HDAC11: variants seen among roughly 807,000 people sequenced by gnomAD.
The protein encoded by HDAC11 is histone deacetylase 11.
A neutral mutation model predicts 41.1 loss-of-function variants in HDAC11; 23 were observed. The ratio of observed to expected loss-of-function variants is 0.56; its 90% CI spans 0.40 to 0.79. HDAC11 has a LOEUF of 0.79. HDAC11 is among the 30% of genes least tolerant of loss of function. The pLI, the probability that HDAC11 is intolerant of heterozygous loss-of-function variation, is 0.00. For missense variants in HDAC11, 402 were observed against 477.3 expected (o/e 0.84, Z 1.47); for synonymous variants, 187 against 186.6 (o/e 1.00, Z -0.02).
intron 1 of HDAC11, 156 bp from the exon 2 acceptor site, chr3:13,481,090 C>A: frequency 1.3e-6 from 1 of 750,034 alleles, no homozygotes; most frequent in Non-Finnish European, 2.1e-6. Flanking sequence ...GGAAAGGCAG[C>A]CAGTTTAAGC....
At position 13,483,093 on chromosome 3, in the gene HDAC11, G is replaced by A. The variant is rs570063672; in HGVS notation, c.152-371G>A. Among the ~76,000 whole-genome samples the A allele has an allele frequency of 1.2e-4, 18 of 151,418 alleles. No homozygotes were observed. In the East Asian group the frequency reaches 1.8e-3, roughly 15 times the overall value. On this transcript the variant is annotated intron_variant, in intron 2 of 9. Transcript: ENST00000295757. ...AATGAATTAAAAAAAAAAAAAGGGCGGGGGGAAGGTGGAGGGGGAATTCCT... is the reference window on the plus strand; with the variant it reads ...AATGAATTAAAAAAAAAAAAAGGGCAGGGGGAAGGTGGAGGGGGAATTCCT...
At chr3:13,498,014 C>T (rs1702181891) in intron 4 of HDAC11, among the ~76,000 whole-genome samples, 1 of 151,980 alleles carries the variant, frequency 6.6e-6, no homozygotes, top group Admixed American at 6.6e-5. Flanking sequence ...CGCCACTCTG[C>T]CTGGCTAATT....
At position 13,480,432 on chromosome 3, in the gene HDAC11, G is replaced by C; in HGVS notation, c.2+83G>C. 1.1e-6 allele frequency: 1 copy of C among 885,964 alleles called. No individual in the cohort carries two copies. The allele number at this position is 885,964 out of a possible 1,614,324, so 54.9% of individuals were successfully genotyped here. A position where few individuals can be genotyped will look rare whatever the true frequency, so the allele number is the denominator to read the frequency against. On this transcript the variant is annotated intron_variant, in intron 1 of 9. Transcript: ENST00000295757. This position sits in a 1 kb window ranked among gnomAD's most constrained non-coding sequence, Gnocchi z 4.6. ...CGCTAGGGCGAGGGCGGGGACGGCC[G>C]GGCGGGCGCGCCAGGTAAGGGCCCA...
chr3:13,491,106 G>C (rs111249321), intron 3 of HDAC11, among the ~76,000 whole-genome samples: 7,608 of 145,634 alleles, frequency 0.052, 353 homozygotes, highest in East Asian at 0.2. Flanking sequence ...GTGTGTGTGT[G>C]TGTGTGTATT....
rs1195083969 is a variant in HDAC11, at chr3:13,502,485, T to C, written c.553-399T>C. The stretch of plus-strand genomic sequence containing the variant: ...GGAAGGCACCCCCCTGCACCATTAC[T>C]GCTGTGGCTTTGTGCTAGTTGGGGC... On this transcript the variant is annotated intron_variant, in intron 7 of 9. Transcript: ENST00000295757. This position sits in a 1 kb window ranked among gnomAD's most constrained non-coding sequence, Gnocchi z 4.1. 1 of 210,384 alleles carries C rather than the reference T, an allele frequency of 4.8e-6. No homozygotes were observed. The highest frequency in any genetic ancestry group is 5.2e-5 in the Admixed American group (1 of 19,098). The allele number at this position is 210,384 out of a possible 1,614,324, so 13.0% of individuals were successfully genotyped here. A position where few individuals can be genotyped will look rare whatever the true frequency, so the allele number is the denominator to read the frequency against.
intron 3 of HDAC11, among the ~76,000 whole-genome samples, chr3:13,496,001 T>C (rs1702079089): frequency 6.6e-6 from 1 of 152,218 alleles, no homozygotes; most frequent in African/African-American, 2.4e-5. Context: ...ACAAAGTGAG[T>C]GGCTCTGCCT....
chr3:13,501,028 A>G (rs1702339034), intron 6 of HDAC11, among the ~76,000 whole-genome samples: 1 of 152,224 alleles, frequency 6.6e-6, no homozygotes, highest in Admixed American at 6.5e-5. Flanking sequence ...AGCCTCCCAC[A>G]GAGCCAGGGG....
intron 3 of HDAC11, among the ~76,000 whole-genome samples, chr3:13,487,532 T>C (rs1701653202): frequency 6.6e-6 from 1 of 151,962 alleles, no homozygotes; most frequent in Admixed American, 6.6e-5. Flanking sequence ...TCCTGCTGTG[T>C]GCAAGGTCCA....
Position 13,502,866 on chromosome 3 carries a change from A to G in HDAC11, c.553-18A>G. On this transcript the variant is annotated intron_variant, in intron 7 of 9. Coordinates refer to ENST00000295757, the MANE Select transcript of HDAC11 (RefSeq NM_024827.4). The surrounding 1 kb of genome is among the most constrained non-coding windows in gnomAD (Gnocchi z 4.1). ...CTAGGGCACCTACCCGAGAGCGGCT[A>G]CTGTGACCTCCCCACAGGGCAATGG... 2 of 1,607,018 alleles carry G rather than the reference A, an allele frequency of 1.2e-6. No individual in the cohort carries two copies. The highest frequency in any genetic ancestry group is 1.7e-4 in the Middle Eastern group (1 of 6,048).
intron 3 of HDAC11, among the ~76,000 whole-genome samples, chr3:13,486,571 GT>G (rs767002835): frequency 0.25 from 20,744 of 83,006 alleles, 1,049 homozygotes; most frequent in South Asian, 0.33. Context: ...ATGTAGAGGT[GT>G]TTTTTTTTTT....
Position 13,481,374 on chromosome 3 carries a change from A to T in HDAC11, c.131A>T (p.Lys44Ile), listed in dbSNP as rs377204066. 31 of 1,613,936 alleles carry T rather than the reference A, an allele frequency of 1.9e-5. No homozygotes were observed. Among genetic ancestry groups the T allele is most frequent in the Non-Finnish European group, 2.6e-5 (31 of 1,179,990 alleles). ...CCCTTTGATGCCGGAAAATGGGGCA[A>T]AGTGATCAATTTCCTAAAAGGTATG... Reference protein sequence around the residue: ...LHPFDAGKWGKVINFLKEEKL... With the variant: ...LHPFDAGKWGIVINFLKEEKL... Residue 44 changes from lysine (K) to isoleucine (I), a missense_variant, in exon 2 of 10, where the codon AAA becomes ATA. Physicochemically the swap from Lys to Ile is moderately radical, Grantham distance 102. Transcript: ENST00000295757.
intron 3 of HDAC11, among the ~76,000 whole-genome samples, chr3:13,494,430 A>G (rs1198432102): frequency 6.6e-6 from 1 of 152,218 alleles, no homozygotes; most frequent in African/African-American, 2.4e-5. Context: ...CTGTCCCGCA[A>G]CATACACACA....
intron 4 of HDAC11, 35 bp downstream of exon 4, chr3:13,496,887 G>C (rs1206499768): frequency 3.1e-6 from 4 of 1,280,692 alleles, no homozygotes; most frequent in East Asian, 2.7e-5. Flanking sequence ...TGGGCTGGGG[G>C]CCCCCACACC....
intron 3 of HDAC11, among the ~76,000 whole-genome samples, chr3:13,486,008 C>A (rs1422625040): frequency 6.6e-6 from 1 of 152,104 alleles, no homozygotes; most frequent in Non-Finnish European, 1.5e-5. Flanking sequence ...TGACTCATGC[C>A]TGTAATCCCA....
At chr3:13,486,058 G>A (rs1391324756) in intron 3 of HDAC11, among the ~76,000 whole-genome samples, 3 of 151,830 alleles carry the variant, frequency 2.0e-5, no homozygotes, top group South Asian at 2.1e-4. Context: ...ACTTGAGGTC[G>A]GGAGTTTGAG....
At chr3:13,484,462 G>GC (rs1701469897) in intron 3 of HDAC11, among the ~76,000 whole-genome samples, 1 of 152,208 alleles carries the variant, frequency 6.6e-6, no homozygotes, top group South Asian at 2.1e-4. Context: ...TCCACTGTGG[G>GC]CCCGGCATGG....
chr3:13,504,492 G>A lies in HDAC11; in HGVS notation c.853G>A (p.Val285Met). ...GGGCATCGTGAAGCGGGATGAGCTG[G>A]TGTTCCGGATGGTCCGTGGCCGCCG... is the stretch of plus-strand genomic sequence containing the variant. ...PAGIVKRDEL[V>M]FRMVRGRRVP... is the part of the protein sequence containing the mutation. The change falls in exon 10 of 10, where the codon GTG becomes ATG. Residue 285 changes from valine (V) to methionine (M), a missense_variant. Coordinates refer to ENST00000295757, the MANE Select transcript of HDAC11 (RefSeq NM_024827.4). 2 of 1,613,408 alleles carry A rather than the reference G, an allele frequency of 1.2e-6. No individual in the cohort carries two copies. The highest frequency in any genetic ancestry group is 8.5e-7 in the Non-Finnish European group (1 of 1,180,030).
chr3:13,503,033 TCTC>T (rs1702446600), intron 8 of HDAC11, 53 bp downstream of exon 8: 1 of 1,362,358 alleles, frequency 7.3e-7, no homozygotes, highest in Non-Finnish European at 1.0e-6. Context: ...GATGAGGCTC[TCTC>T]CTGAGTGTCT....
Position 13,480,446 on chromosome 3 carries a change from G to A in HDAC11, c.2+97G>A. 3 of 751,058 alleles carry A rather than the reference G, an allele frequency of 4.0e-6. No homozygotes were observed. Among genetic ancestry groups the A allele is most frequent in the Non-Finnish European group, 1.8e-6 (1 of 562,910 alleles). The allele number at this position is 751,058 out of a possible 1,614,324, so 46.5% of individuals were successfully genotyped here. On this transcript the variant is annotated intron_variant, in intron 1 of 9. Coordinates refer to ENST00000295757, the MANE Select transcript of HDAC11 (RefSeq NM_024827.4). This position sits in a 1 kb window ranked among gnomAD's most constrained non-coding sequence, Gnocchi z 4.6. ...CGGGGACGGCCGGGCGGGCGCGCCAGGTAAGGGCCCAGATTTGCTGGTGAG... is the reference window on the plus strand; with the variant it reads ...CGGGGACGGCCGGGCGGGCGCGCCAAGTAAGGGCCCAGATTTGCTGGTGAG...
Sources: allele counts gnomAD v4.1 joint callset (sites outside exome capture counted in the v4.1 genomes callset), GRCh38; gene constraint gnomAD v4.1.1; non-coding constraint Gnocchi (gnomAD v3.1); transcripts MANE v1.5; gene names NCBI Gene and HGNC (gene_info 2026-07-23, HGNC 2026-07-21).